The following RAPGEF2 variants were observed in gnomAD, a reference collection of about 807,000 sequenced individuals.
The protein encoded by RAPGEF2 is PDZ domain containing guanine nucleotide exchange factor (GEF) 1.
Under a neutral mutation model 186.7 loss-of-function variants are expected in RAPGEF2, and 54 were observed. That is an observed-to-expected ratio of 0.29 (90% confidence interval 0.23 to 0.36). The LOEUF is 0.36. RAPGEF2 is among the 10% of genes least tolerant of loss of function. The probability of loss-of-function intolerance (pLI) is 1.00; values close to 1 mark genes in which losing one functional copy is unlikely to be tolerated. For missense variants in RAPGEF2, 1,532 were observed against 2,045.0 expected, an observed-to-expected ratio of 0.75 and a Z score of 4.84; for synonymous variants, 712 against 705.9, an observed-to-expected ratio of 1.01 and a Z score of -0.14.
intron 4 of RAPGEF2, among the ~76,000 whole-genome samples, chr4:159,210,855 T>C (rs969957653): frequency 1.3e-5 from 2 of 152,166 alleles, no homozygotes; most frequent in African/African-American, 4.8e-5. Context: ...GCACATTTGC[T>C]CCTAGGGAAT....
chr4:159,342,068 A>T (rs1056715115), intron 20 of RAPGEF2, 121 bp downstream of exon 20: 4 of 1,014,804 alleles, frequency 3.9e-6, no homozygotes, highest in Non-Finnish European at 5.6e-6. Context: ...CATAAGAGAC[A>T]ATTCTTTTTC....
intron 7 of RAPGEF2, among the ~76,000 whole-genome samples, chr4:159,285,790 C>T (rs987575342): frequency 6.6e-6 from 1 of 152,118 alleles, no homozygotes; most frequent in South Asian, 2.1e-4. Flanking sequence ...TATTCCCTCC[C>T]TCATCATCAT....
At chr4:159,195,570 T>A (rs1442338977) in intron 3 of RAPGEF2, among the ~76,000 whole-genome samples, 1 of 152,230 alleles carries the variant, frequency 6.6e-6, no homozygotes, top group East Asian at 1.9e-4. Flanking sequence ...TTTGAGACGA[T>A]AAAGAACTGC....
In RAPGEF2 at chr4:159,103,294, G is replaced by A. The variant is rs1484430397; in HGVS notation, c.-869G>A. 6.6e-6 allele frequency: 1 copy of A among 152,138 alleles called. No homozygotes were observed. The highest frequency in any genetic ancestry group is 1.9e-4 in the East Asian group (1 of 5,164). 9.4% of individuals were successfully genotyped at this position (152,138 alleles called of 1,614,324 possible). Reference sequence around the variant, plus strand: ...CGCGCAGACGAGGAACAAAGTTGCCGAGAGCGACTGGGCCGGAGGGCTGCA... The same window carrying A: ...CGCGCAGACGAGGAACAAAGTTGCCAAGAGCGACTGGGCCGGAGGGCTGCA... On this transcript the variant is annotated 5_prime_UTR_variant, in exon 1 of 30. Coordinates refer to ENST00000691494, the MANE Select transcript of RAPGEF2 (RefSeq NM_001394067.2).
chr4:159,347,549 C>A (rs942394099), intron 25 of RAPGEF2, among the ~76,000 whole-genome samples: 2 of 152,240 alleles, frequency 1.3e-5, no homozygotes, highest in Non-Finnish European at 2.9e-5. Flanking sequence ...CTTTGGGAGG[C>A]TGAGGCGGGC....
At chr4:159,156,547 A>G (rs1401765269) in intron 1 of RAPGEF2, among the ~76,000 whole-genome samples, 2 of 152,090 alleles carry the variant, frequency 1.3e-5, no homozygotes, top group Non-Finnish European at 2.9e-5. Context: ...GGTTTGATAC[A>G]TAGGTATACA....
chr4:159,312,652 G>A (rs1764086193), intron 8 of RAPGEF2, among the ~76,000 whole-genome samples: 1 of 152,048 alleles, frequency 6.6e-6, no homozygotes, highest in Non-Finnish European at 1.5e-5. Context: ...TAAACATTAG[G>A]TTTTCTGTCT....
At chr4:159,105,603 A>G (rs918861558) in intron 1 of RAPGEF2, among the ~76,000 whole-genome samples, 4 of 152,294 alleles carry the variant, frequency 2.6e-5, no homozygotes, top group Admixed American at 1.3e-4. Context: ...CTAAAAGACT[A>G]TTTTTATCCC....
At position 159,270,570 on chromosome 4, in the gene RAPGEF2, A is replaced by G. The variant is rs541366497; in HGVS notation, c.543+26779A>G. 2.0e-4 allele frequency among the ~76,000 whole-genome samples: 31 copies of G among 152,256 alleles called. 1 individual carries two copies. In the South Asian group the frequency reaches 6.0e-3, roughly 30 times the overall value. ...GGGGGCATTTTTTTTAGCTATGATT[A>G]GGCACAAATAGTAAGCTCAGTTTTT... On this transcript the variant is annotated intron_variant, in intron 7 of 29. Coordinates refer to ENST00000691494, the MANE Select transcript of RAPGEF2 (RefSeq NM_001394067.2).
At chr4:159,104,873 G>A (rs1737707744) in intron 1 of RAPGEF2, among the ~76,000 whole-genome samples, 1 of 152,132 alleles carries the variant, frequency 6.6e-6, no homozygotes, top group Non-Finnish European at 1.5e-5. Context: ...TCAATTGAAG[G>A]GAAAAAAAGT....
At chr4:159,176,047 G>T (rs1159129467) in intron 1 of RAPGEF2, among the ~76,000 whole-genome samples, 1 of 152,180 alleles carries the variant, frequency 6.6e-6, no homozygotes, top group Non-Finnish European at 1.5e-5. Context: ...TAATGTGAAT[G>T]GTCAAGGTGG....
At chr4:159,302,805 T>C (rs1461568649) in intron 7 of RAPGEF2, among the ~76,000 whole-genome samples, 1 of 151,914 alleles carries the variant, frequency 6.6e-6, no homozygotes, top group African/African-American at 2.4e-5. Context: ...TTTTTTATTA[T>C]TATACTGTAA....
At chr4:159,214,626 A>G (rs942340466) in intron 4 of RAPGEF2, among the ~76,000 whole-genome samples, 1 of 152,228 alleles carries the variant, frequency 6.6e-6, no homozygotes, top group South Asian at 2.1e-4. Flanking sequence ...AAGTCACAAT[A>G]TGATAATGAA....
At position 159,355,965 on chromosome 4, in the gene RAPGEF2, C is replaced by A. The variant is rs779229661; in HGVS notation, c.4764C>A (p.Asp1588Glu). 6.2e-7 allele frequency: 1 copy of A among 1,611,832 alleles called. No individual in the cohort carries two copies. The highest frequency in any genetic ancestry group is 2.2e-5 in the East Asian group (1 of 44,670). ...CCCATCCAGCCAGGAAACCGCCGGA[C>A]TACAACGTGGCCCTTCAGAGATCGC... ...GHSHPARKPP[D>E]YNVALQRSRM... The change falls in exon 29 of 30, where the codon GAC (aspartate) becomes GAA (glutamate). Residue 1588 changes from aspartate (D) to glutamate (E), a missense_variant. By Grantham distance (45) the Asp-to-Glu change is conservative (BLOSUM62 2). Coordinates refer to ENST00000691494, the MANE Select transcript of RAPGEF2 (RefSeq NM_001394067.2).
intron 4 of RAPGEF2, among the ~76,000 whole-genome samples, chr4:159,218,905 A>G (rs1349585718): frequency 6.6e-6 from 1 of 152,194 alleles, no homozygotes; most frequent in Non-Finnish European, 1.5e-5. Flanking sequence ...GCAACTCATT[A>G]TCATGTTATT....
intron 1 of RAPGEF2, among the ~76,000 whole-genome samples, chr4:159,158,417 TA>T (rs1354167716): frequency 1.3e-5 from 2 of 152,230 alleles, no homozygotes; most frequent in Non-Finnish European, 2.9e-5. Context: ...ATTATCTAGT[TA>T]ATCTCCAGTC....
chr4:159,343,043 G>A lies in RAPGEF2; in HGVS notation c.2983G>A (p.Glu995Lys), dbSNP rs779487803. 1.9e-6 allele frequency: 3 copies of A among 1,613,808 alleles called. No individual in the cohort carries two copies. Among genetic ancestry groups the A allele is most frequent in the Non-Finnish European group, 1.7e-6 (2 of 1,179,944 alleles). The part of the protein sequence containing the change: ...TTWEKLPNKY[E>K]KLFQDLQDLF... ...CTGGGAGAAACTTCCCAATAAATAC[G>A]AAAAACTATTTCAAGATCTCCAAGA... Residue 995 changes from glutamate (E) to lysine (K), a missense_variant, in exon 21 of 30, where the codon GAA (glutamate) becomes AAA (lysine). Transcript: ENST00000691494.
At chr4:159,109,958 G>A (rs1738315015) in intron 1 of RAPGEF2, among the ~76,000 whole-genome samples, 2 of 152,194 alleles carry the variant, frequency 1.3e-5, no homozygotes, top group Non-Finnish European at 1.5e-5. Flanking sequence ...AAAGACTGAT[G>A]TTCATTTTCC....
intron 1 of RAPGEF2, 58 bp downstream of exon 1, chr4:159,104,289 T>G: frequency 6.5e-6 from 5 of 769,690 alleles, no homozygotes; most frequent in Non-Finnish European, 8.9e-6. Flanking sequence ...GGCTGCGTCT[T>G]CCCCTGTCCC....
Sources: allele counts gnomAD v4.1 joint callset (sites outside exome capture counted in the v4.1 genomes callset), GRCh38; gene constraint gnomAD v4.1.1; transcripts MANE v1.5; gene names NCBI Gene and HGNC (gene_info 2026-07-23, HGNC 2026-07-21).